Variants in PTPRN2 observed in about 807,000 individuals in gnomAD.
PTPRN2 encodes receptor-type tyrosine-protein phosphatase N2.
A neutral mutation model predicts 118.8 loss-of-function variants in PTPRN2; 74 were observed. The observed-to-expected ratio is 0.62, with a 90% CI of 0.52 to 0.76. The LOEUF is 0.76. Among genes scored for constraint, PTPRN2 ranks in the 30% least tolerant of loss-of-function variants. The probability of loss-of-function intolerance (pLI) is 0.00; values close to 1 mark genes in which losing one functional copy is unlikely to be tolerated. For missense variants in PTPRN2, 1,481 were observed against 1,394.4 expected, an observed-to-expected ratio of 1.06 and a Z score of -0.99; for synonymous variants, 641 against 608.0, an observed-to-expected ratio of 1.05 and a Z score of -0.80.
chr7:158,188,264 C>T (rs1227581363), intron 5 of PTPRN2, among the ~76,000 whole-genome samples: 2 of 84,654 alleles, frequency 2.4e-5, no homozygotes, highest in Admixed American at 2.8e-4. Flanking sequence ...GGCCGCCACG[C>T]TCGCCCCCTG....
chr7:158,293,906 A>G (rs745326112), intron 3 of PTPRN2, among the ~76,000 whole-genome samples: 1 of 152,226 alleles, frequency 6.6e-6, no homozygotes, highest in African/African-American at 2.4e-5. Context: ...ATCTCCTATG[A>G]GAAGAATGCC....
intron 9 of PTPRN2, among the ~76,000 whole-genome samples, chr7:158,114,707 A>T (rs1330202569): frequency 6.6e-6 from 1 of 152,208 alleles, no homozygotes; most frequent in East Asian, 1.9e-4. Flanking sequence ...GCCACCGGCC[A>T]CGGCCCTGGG....
intron 11 of PTPRN2, among the ~76,000 whole-genome samples, chr7:158,072,112 A>AGGTGCTCG (rs1563395101): frequency 3.7e-4 from 47 of 127,096 alleles, no homozygotes; most frequent in Non-Finnish European, 6.9e-4. Context: ...GGAGGTGCTC[A>AGGTGCTCG]TGGTGGTGGA....
chr7:158,336,442 A>G (rs1378520792), intron 2 of PTPRN2, among the ~76,000 whole-genome samples: 3 of 102,314 alleles, frequency 2.9e-5, no homozygotes, highest in African/African-American at 9.9e-5. Context: ...CGTCACTCAC[A>G]CCCACACATG....
chr7:158,161,683 T>C (rs75737182), intron 6 of PTPRN2, among the ~76,000 whole-genome samples: 10 of 152,296 alleles, frequency 6.6e-5, no homozygotes, highest in African/African-American at 2.4e-4. Context: ...GATGACTTTT[T>C]AAAATCCAAC....
chr7:158,512,075 G>A (rs1007758498), intron 1 of PTPRN2, among the ~76,000 whole-genome samples: 9 of 152,158 alleles, frequency 5.9e-5, no homozygotes, highest in African/African-American at 1.7e-4. Flanking sequence ...TTCAGATCCC[G>A]GGACAGAATG....
rs549554490 is a variant in PTPRN2 at position 158,464,507 on chromosome 7, TTCA to T, written c.163+25225_163+25227del. Among the ~76,000 whole-genome samples the T allele has an allele frequency of 1.4e-3, 206 of 146,360 alleles. 1 individual carries two copies. The highest frequency in any genetic ancestry group is 4.8e-3 in the African/African-American group (185 of 38,824). Reference sequence around the variant, plus strand: ...TGCCATGCCATTTAATAAATAATCCTTCATCATCACCATCATCATCCTTACCAT... The same window carrying T: ...TGCCATGCCATTTAATAAATAATCCTTCATCACCATCATCATCCTTACCAT... On this transcript the variant is annotated intron_variant, in intron 2 of 22. Transcript: ENST00000389418.
intron 2 of PTPRN2, among the ~76,000 whole-genome samples, chr7:158,365,593 T>C (rs1563204612): frequency 6.6e-6 from 1 of 152,112 alleles, no homozygotes; most frequent in Non-Finnish European, 1.5e-5. Context: ...TCTGCTCCCA[T>C]GCATGCATGC....
chr7:157,648,768 T>C (rs1347547940), intron 14 of PTPRN2, among the ~76,000 whole-genome samples: 2 of 143,664 alleles, frequency 1.4e-5, no homozygotes, highest in African/African-American at 5.2e-5. Flanking sequence ...ACTCGGTGGG[T>C]CGGACCCATT....
intron 19 of PTPRN2, among the ~76,000 whole-genome samples, chr7:157,576,129 T>A (rs940902897): frequency 2.6e-5 from 4 of 152,314 alleles, no homozygotes; most frequent in East Asian, 1.9e-4. Context: ...CTGAATTTTT[T>A]AAAGAGGGTC....
At chr7:157,928,086 C>T (rs1303856708) in intron 11 of PTPRN2, among the ~76,000 whole-genome samples, 1 of 152,210 alleles carries the variant, frequency 6.6e-6, no homozygotes, top group Non-Finnish European at 1.5e-5. Flanking sequence ...TTACTGGGAA[C>T]ATGCACTGTT....
At chr7:157,661,850 C>G (rs1795908018) in intron 13 of PTPRN2, among the ~76,000 whole-genome samples, 3 of 152,216 alleles carry the variant, frequency 2.0e-5, no homozygotes, top group Admixed American at 2.0e-4. Context: ...CCAGCGCAGG[C>G]TTTTCTGAAG....
chr7:158,517,349 C>T lies in PTPRN2; in HGVS notation c.113-27564G>A, dbSNP rs976124765. 6.6e-6 allele frequency among the ~76,000 whole-genome samples: 1 copy of T among 152,216 alleles called. No individual in the cohort carries two copies. The highest frequency in any genetic ancestry group is 2.4e-5 in the African/African-American group (1 of 41,466). The stretch of plus-strand genomic sequence containing the variant: ...ACCGCAGCAACGACACCTATCACCG[C>T]CCACCACAGGCGCACTGTGGGCTGA... On this transcript the variant is annotated intron_variant, in intron 1 of 22. Transcript: ENST00000389418. This position sits in a 1 kb window ranked among gnomAD's most constrained non-coding sequence, Gnocchi z 5.3.
At chr7:158,369,802 C>T (rs1809818831) in intron 2 of PTPRN2, among the ~76,000 whole-genome samples, 1 of 152,098 alleles carries the variant, frequency 6.6e-6, no homozygotes, top group Non-Finnish European at 1.5e-5. Flanking sequence ...CAGTTGGAAA[C>T]CCATGTAAAT....
chr7:158,162,199 A>G (rs565729045), intron 6 of PTPRN2, among the ~76,000 whole-genome samples: 1 of 152,134 alleles, frequency 6.6e-6, no homozygotes, highest in East Asian at 1.9e-4. Flanking sequence ...CCAAAACCAA[A>G]CATTCTCTTA....
At chr7:158,474,729 G>T (rs954709197) in intron 2 of PTPRN2, among the ~76,000 whole-genome samples, 1 of 152,076 alleles carries the variant, frequency 6.6e-6, no homozygotes, top group Non-Finnish European at 1.5e-5. Flanking sequence ...ATCTGAGAGG[G>T]ACCCTCTTCC....
chr7:158,483,546 T>C (rs149120324), intron 2 of PTPRN2, among the ~76,000 whole-genome samples: 1,748 of 152,286 alleles, frequency 0.011, 33 homozygotes, highest in African/African-American at 0.04. Context: ...GGGAGGTGAT[T>C]GTTTGCTGGA....
At chr7:157,891,525 A>C (rs1254262718) in intron 12 of PTPRN2, among the ~76,000 whole-genome samples, 3 of 141,280 alleles carry the variant, frequency 2.1e-5, no homozygotes, top group Non-Finnish European at 4.6e-5. Context: ...TCACACGGCA[A>C]ATTCACATTA....
chr7:158,262,768 A>C (rs1423288147), intron 3 of PTPRN2, among the ~76,000 whole-genome samples: 1 of 146,902 alleles, frequency 6.8e-6, no homozygotes, highest in African/African-American at 2.5e-5. Context: ...CTGCACACAC[A>C]CATTCACACA....
Sources: gnomAD v4.1 joint callset for allele counts (sites outside exome capture counted in the v4.1 genomes callset) on GRCh38, gnomAD v4.1.1 for gene constraint, Gnocchi (gnomAD v3.1) non-coding constraint, MANE v1.5 for transcripts, NCBI Gene and HGNC (gene_info 2026-07-23, HGNC 2026-07-21) for gene names.